The following ANKRD60 variants were observed in gnomAD, a reference collection of about 807,000 sequenced individuals.
The protein encoded by ANKRD60 is ankyrin repeat domain-containing protein 60.
In ANKRD60, 24 loss-of-function variants were observed where a neutral mutation model predicts 21.3. That is an observed-to-expected ratio of 1.13 (90% CI 0.82 to 1.59). ANKRD60 has a LOEUF of 1.59. Ranked by LOEUF, ANKRD60 falls within the 40% of genes most tolerant of loss-of-function variation. The pLI is 0.00. For synonymous variants in ANKRD60, 182 were observed against 199.4 expected (o/e 0.91, Z 0.74); for missense variants, 490 against 466.7 (o/e 1.05, Z -0.46).
chr20:58,228,107 G>T lies in ANKRD60; in HGVS notation c.430+117C>A. 9.3e-7 allele frequency: 1 copy of T among 1,077,380 alleles called. No individual in the cohort carries two copies. Among genetic ancestry groups the T allele is most frequent in the Non-Finnish European group, 1.3e-6 (1 of 762,856 alleles). The allele number at this position is 1,077,380 out of a possible 1,614,324, so 66.7% of individuals were successfully genotyped here. A position where few individuals can be genotyped will look rare whatever the true frequency, so the allele number is the denominator to read the frequency against. On this transcript the variant is annotated intron_variant, in intron 1 of 3. Coordinates refer to ENST00000457363, the Ensembl canonical transcript of ANKRD60. The surrounding 1 kb of genome is among the most constrained non-coding windows in gnomAD (Gnocchi z 5.3). ...GGTTTCAGGGTGGTTGGGTTTCAGG[G>T]GTTTGCTTTGACATCTGGGGTTTCT...
At chr20:58,223,255 A>C in intron 1 of ANKRD60, 73 bp from the exon 2 acceptor site, 1 of 1,284,400 alleles carries the variant, frequency 7.8e-7, no homozygotes, top group Non-Finnish European at 1.1e-6. Flanking sequence ...TTAAGTTAAG[A>C]GATTATCTGA....
chr20:58,216,215 G>A (rs145433605), downstream of ANKRD60, among the ~76,000 whole-genome samples: 8 of 152,224 alleles, frequency 5.3e-5, 1 homozygote, highest in South Asian at 2.1e-4. Flanking sequence ...AAAATGAAGC[G>A]CTCCCCAGGA....
exon 4 of ANKRD60, chr20:58,218,679 T>C (rs998442353): frequency 6.4e-7 from 1 of 1,551,760 alleles, no homozygotes; most frequent in East Asian, 2.4e-5. Flanking sequence ...GGTCTCCCCC[T>C]TGGCATCTCT....
At chr20:58,217,356 G>A (rs1404041195), downstream of ANKRD60, among the ~76,000 whole-genome samples, 1 of 151,994 alleles carries the variant, frequency 6.6e-6, no homozygotes, top group East Asian at 1.9e-4. Flanking sequence ...TTGAACCCAG[G>A]AGGCAGAGGT....
intron 3 of ANKRD60, 91 bp downstream of exon 3, chr20:58,221,247 G>A: frequency 7.3e-7 from 1 of 1,366,386 alleles, no homozygotes; most frequent in Non-Finnish European, 9.9e-7. Context: ...GGAAACCACT[G>A]CTGGAAGGAC....
At chr20:58,226,494 G>T (rs1341162639) in intron 1 of ANKRD60, among the ~76,000 whole-genome samples, 1 of 152,150 alleles carries the variant, frequency 6.6e-6, no homozygotes, top group African/African-American at 2.4e-5. Flanking sequence ...TATAAATAAG[G>T]TTGGCTGAAG....
chr20:58,218,155 C>A (rs888491552), downstream of ANKRD60, among the ~76,000 whole-genome samples: 1 of 152,138 alleles, frequency 6.6e-6, no homozygotes, highest in African/African-American at 2.4e-5. Flanking sequence ...TGTTATTACT[C>A]CTATTATGCC....
intron 1 of ANKRD60, among the ~76,000 whole-genome samples, chr20:58,227,990 G>A (rs1170663846): frequency 6.6e-6 from 1 of 152,152 alleles, no homozygotes; most frequent in Non-Finnish European, 1.5e-5. Context: ...TGTGGACAAG[G>A]TTTGCCTTGA....
chr20:58,228,595 C>G lies in ANKRD60; in HGVS notation c.59G>C (p.Arg20Pro). 5.4e-6 allele frequency: 6 copies of G among 1,119,244 alleles called. No individual in the cohort carries two copies. Among genetic ancestry groups the G allele is most frequent in the Non-Finnish European group, 6.6e-6 (6 of 916,026 alleles). The allele number at this position is 1,119,244 out of a possible 1,614,324, so 69.3% of individuals were successfully genotyped here. A position where few individuals can be genotyped will look rare whatever the true frequency, so the allele number is the denominator to read the frequency against. Residue 20 changes from arginine to proline, a missense_variant, in exon 1 of 4, where the codon CGG (arginine) becomes CCG (proline). Physicochemically the swap from Arg to Pro is moderately radical, Grantham distance 103. Transcript: ENST00000457363. This position sits in a 1 kb window ranked among gnomAD's most constrained non-coding sequence, Gnocchi z 5.3. ...GGCGCCCCCAGTTGGCCCCGCCGCC[C>G]GCGCTCCGCCCGCCCCCGCCGCCGC...
chr20:58,218,492 G>A, downstream of ANKRD60: 2 of 1,546,870 alleles, frequency 1.3e-6, no homozygotes, highest in Non-Finnish European at 1.7e-6. Context: ...TTCCCACCAG[G>A]AGCTAATGAG....
chr20:58,217,240 C>G (rs1285835463), downstream of ANKRD60, among the ~76,000 whole-genome samples: 1 of 152,024 alleles, frequency 6.6e-6, no homozygotes, highest in African/African-American at 2.4e-5. Context: ...ACCAACCTGG[C>G]CAACGTGGTG....
intron 3 of ANKRD60, 126 bp downstream of exon 3, chr20:58,221,212 T>A: frequency 3.7e-6 from 4 of 1,068,138 alleles, no homozygotes; most frequent in Non-Finnish European, 5.2e-6. Context: ...GGACCCTGAC[T>A]GGTGGCTGAC....
chr20:58,224,033 C>G (rs1984317703), intron 1 of ANKRD60, among the ~76,000 whole-genome samples: 1 of 151,880 alleles, frequency 6.6e-6, no homozygotes, highest in East Asian at 1.9e-4. Context: ...GCCTAGGAGA[C>G]AGAGGTTGCA....
intron 1 of ANKRD60, among the ~76,000 whole-genome samples, chr20:58,224,963 T>C (rs574887821): frequency 2.6e-5 from 4 of 152,336 alleles, no homozygotes; most frequent in African/African-American, 7.2e-5. Context: ...AACTCAAGGT[T>C]TTCACACATG....
Position 58,225,709 on chromosome 20 carries a change from C to G in ANKRD60, c.430+2515G>C, listed in dbSNP as rs1984350447. ...ATCTGTCTCCATCGCTCCCCAGCCCCTGCAGTACAGCTGCAGTCTCTCTGC... is the reference window on the plus strand; with the variant it reads ...ATCTGTCTCCATCGCTCCCCAGCCCGTGCAGTACAGCTGCAGTCTCTCTGC... On this transcript the variant is annotated intron_variant, in intron 1 of 3. Transcript: ENST00000457363. 1.3e-5 allele frequency among the ~76,000 whole-genome samples: 2 copies of G among 152,216 alleles called. 1 individual carries two copies. The highest frequency in any genetic ancestry group is 4.1e-4 in the South Asian group (2 of 4,826).
At chr20:58,220,175 T>C (rs947456479) in intron 3 of ANKRD60, among the ~76,000 whole-genome samples, 2 of 152,166 alleles carry the variant, frequency 1.3e-5, no homozygotes, top group Non-Finnish European at 2.9e-5. Flanking sequence ...AGGAGACCCA[T>C]GGGAAAGGCC....
At chr20:58,225,474 C>G (rs962596315) in intron 1 of ANKRD60, among the ~76,000 whole-genome samples, 2 of 152,190 alleles carry the variant, frequency 1.3e-5, no homozygotes, top group African/African-American at 4.8e-5. Context: ...ATAAATACGT[C>G]AGGAAAAGTG....
intron 1 of ANKRD60, among the ~76,000 whole-genome samples, chr20:58,225,304 A>T (rs1011948319): frequency 2.0e-5 from 3 of 152,178 alleles, no homozygotes; most frequent in African/African-American, 7.2e-5. Context: ...AGTTGAGGAT[A>T]CATAATTTTC....
rs73308808 is a variant in ANKRD60 at position 58,222,363 on chromosome 20, G to A, written c.561+689C>T. Among the ~76,000 whole-genome samples, 601 of 152,238 alleles carry A rather than the reference G, an allele frequency of 3.9e-3. 4 individuals carry two copies. The highest frequency in any genetic ancestry group is 0.014 in the African/African-American group (569 of 41,536). ...CGAGCCCACGCACTCTTCCAAGAGC[G>A]CCAATCCCAGCCCCTGCTACACCCA... On this transcript the variant is annotated intron_variant, in intron 2 of 3. Coordinates refer to ENST00000457363, the Ensembl canonical transcript of ANKRD60.
Sources: allele counts gnomAD v4.1 joint callset (sites outside exome capture counted in the v4.1 genomes callset), GRCh38; gene constraint gnomAD v4.1.1; non-coding constraint Gnocchi (gnomAD v3.1); transcripts MANE v1.5; gene names NCBI Gene and HGNC (gene_info 2026-07-23, HGNC 2026-07-21).